Variants in GRHL2 observed in about 807,000 individuals in gnomAD.
The protein encoded by GRHL2 is grainyhead like transcription factor 2, also known as grainyhead-like protein 2 homolog.
Under a neutral mutation model 83.8 loss-of-function variants are expected in GRHL2, and 21 were observed. The ratio of observed to expected loss-of-function variants is 0.25; its 90% confidence interval spans 0.18 to 0.36. The LOEUF is 0.36. Ranked by LOEUF, GRHL2 falls within the 10% of genes least tolerant of loss-of-function variation. The probability of loss-of-function intolerance (pLI) is 1.00; values close to 1 mark genes in which losing one functional copy is unlikely to be tolerated. For synonymous variants in GRHL2, 280 were observed against 278.9 expected (o/e 1.00, Z -0.04); for missense variants, 623 against 781.8 (o/e 0.80, Z 2.42).
intron 7 of GRHL2, among the ~76,000 whole-genome samples, chr8:101,596,137 AAAAT>A (rs1252470926): frequency 1.9e-4 from 29 of 151,596 alleles, no homozygotes; most frequent in Admixed American, 1.6e-3. Context: ...AAAAATAAAA[AAAAT>A]AAAATAAATA....
At chr8:101,612,264 A>G (rs1383410695) in intron 8 of GRHL2, among the ~76,000 whole-genome samples, 2 of 151,088 alleles carry the variant, frequency 1.3e-5, no homozygotes, top group Non-Finnish European at 2.9e-5. Context: ...TGCTGGGATT[A>G]TAGGCGTGAG....
chr8:101,649,381 C>T (rs367695633), intron 13 of GRHL2, 33 bp from the exon 14 acceptor site: 23 of 1,557,448 alleles, frequency 1.5e-5, no homozygotes, highest in Non-Finnish European at 1.9e-5. Context: ...TGCAGCCCCT[C>T]GGTCACGTGG....
At chr8:101,510,551 G>T (rs1469721743) in intron 1 of GRHL2, among the ~76,000 whole-genome samples, 1 of 152,030 alleles carries the variant, frequency 6.6e-6, no homozygotes, top group Non-Finnish European at 1.5e-5. Context: ...GAACAAAAAA[G>T]ATTTTTTGAT....
intron 1 of GRHL2, among the ~76,000 whole-genome samples, chr8:101,498,009 A>T (rs1229872129): frequency 6.6e-6 from 1 of 152,230 alleles, no homozygotes; most frequent in Non-Finnish European, 1.5e-5. Context: ...ATTTGAAGTG[A>T]TGTCACCCAC....
chr8:101,538,508 C>T (rs764672628), intron 1 of GRHL2, among the ~76,000 whole-genome samples: 16 of 152,186 alleles, frequency 1.1e-4, no homozygotes, highest in Non-Finnish European at 8.8e-5. Context: ...CCAAAATTTT[C>T]CTCCAAAGCA....
At chr8:101,541,020 T>G (rs1811141479) in intron 1 of GRHL2, among the ~76,000 whole-genome samples, 1 of 152,104 alleles carries the variant, frequency 6.6e-6, no homozygotes, top group African/African-American at 2.4e-5. Context: ...AGTGAGAACA[T>G]GTAGTATTTG....
At chr8:101,561,696 A>T (rs1275930466) in intron 4 of GRHL2, among the ~76,000 whole-genome samples, 1 of 152,206 alleles carries the variant, frequency 6.6e-6, no homozygotes, top group East Asian at 1.9e-4. Context: ...GCCATTAGTT[A>T]TTGTACAAAT....
chr8:101,677,086 T>G, the GRHL2 span, among the ~76,000 whole-genome samples: 4 of 151,906 alleles, frequency 2.6e-5, no homozygotes, highest in Non-Finnish European at 5.9e-5. Context: ...GGGGGATAGA[T>G]AGCATTAGGA....
chr8:101,605,315 G>A (rs1057335510), intron 8 of GRHL2, among the ~76,000 whole-genome samples: 1 of 152,166 alleles, frequency 6.6e-6, no homozygotes, highest in African/African-American at 2.4e-5. Flanking sequence ...ATCAGGCCCT[G>A]CAAGATTGGG....
chr8:101,546,437 T>G (rs1811268368), intron 2 of GRHL2, among the ~76,000 whole-genome samples: 1 of 149,926 alleles, frequency 6.7e-6, no homozygotes, highest in South Asian at 2.1e-4. Flanking sequence ...TTAGACAGAG[T>G]CTCGCTCTGT....
chr8:101,573,068 T>G (rs942713828), intron 5 of GRHL2, among the ~76,000 whole-genome samples: 2 of 152,218 alleles, frequency 1.3e-5, no homozygotes, highest in African/African-American at 4.8e-5. Context: ...ACTCCTGATT[T>G]AGAACAACCC....
At chr8:101,677,626 C>T in the GRHL2 span, among the ~76,000 whole-genome samples, 1 of 151,994 alleles carries the variant, frequency 6.6e-6, no homozygotes, top group Non-Finnish European at 1.5e-5. Flanking sequence ...AGTTAGAAGG[C>T]CCCACTACCC....
At chr8:101,494,137 C>A (rs1810042873) in intron 1 of GRHL2, among the ~76,000 whole-genome samples, 1 of 152,060 alleles carries the variant, frequency 6.6e-6, no homozygotes, top group African/African-American at 2.4e-5. Flanking sequence ...GGTGTCTCGC[C>A]GGAGAGGGCC....
At chr8:101,629,090 A>T (rs151268444) in intron 9 of GRHL2, among the ~76,000 whole-genome samples, 1 of 152,324 alleles carries the variant, frequency 6.6e-6, no homozygotes, top group East Asian at 1.9e-4. Flanking sequence ...CTGTGGGTAA[A>T]GTGCTATCAA....
At chr8:101,582,618 G>A (rs1812079922) in intron 7 of GRHL2, among the ~76,000 whole-genome samples, 1 of 152,192 alleles carries the variant, frequency 6.6e-6, no homozygotes, top group Admixed American at 6.5e-5. Flanking sequence ...GAGTGTTAGA[G>A]GTTCATTGAT....
At chr8:101,502,782 TTCCTTTTCCTCA>T (rs1241728407) in intron 1 of GRHL2, among the ~76,000 whole-genome samples, 1 of 151,370 alleles carries the variant, frequency 6.6e-6, no homozygotes, top group Non-Finnish European at 1.5e-5. Context: ...CTTCCTCCTC[TTCCTTTTCCTCA>T]TCCTCTTTCT....
intron 1 of GRHL2, among the ~76,000 whole-genome samples, chr8:101,515,316 A>G (rs1433391580): frequency 6.6e-6 from 1 of 151,996 alleles, no homozygotes; most frequent in African/African-American, 2.4e-5. Flanking sequence ...CCACAGTTCA[A>G]CATCCTCTTC....
intron 4 of GRHL2, chr8:101,562,411 G>C: frequency 1.7e-6 from 1 of 583,314 alleles, no homozygotes; most frequent in Non-Finnish European, 2.9e-6. Context: ...TGAACACCTT[G>C]CAATTATTGT....
intron 1 of GRHL2, among the ~76,000 whole-genome samples, chr8:101,532,277 A>G (rs1452545128): frequency 6.6e-6 from 1 of 152,252 alleles, no homozygotes; most frequent in African/African-American, 2.4e-5. Flanking sequence ...CCAATATTCC[A>G]AAAGAAAAAA....
Sources: gnomAD v4.1 joint callset for allele counts (sites outside exome capture counted in the v4.1 genomes callset) on GRCh38, gnomAD v4.1.1 for gene constraint, MANE v1.5 for transcripts, NCBI Gene and HGNC (gene_info 2026-07-23, HGNC 2026-07-21) for gene names.